Variants in PPM1E observed in about 807,000 individuals in gnomAD.
PPM1E encodes protein phosphatase, Mg2+/Mn2+ dependent 1E.
In PPM1E, 20 loss-of-function variants were observed where a neutral mutation model predicts 65.9. That is an observed-to-expected ratio of 0.30 (90% CI 0.21 to 0.44). PPM1E has a LOEUF of 0.44. Ranked by LOEUF, PPM1E falls within the 20% of genes least tolerant of loss-of-function variation. PPM1E has a pLI of 1.00. For synonymous variants in PPM1E, 352 were observed against 374.9 expected (o/e 0.94, Z 0.70); for missense variants, 713 against 953.1 (o/e 0.75, Z 3.32).
chr17:58,880,607 A>AGTTC (rs1555616611), intron 1 of PPM1E, among the ~76,000 whole-genome samples: 8 of 150,764 alleles, frequency 5.3e-5, no homozygotes, highest in Non-Finnish European at 8.9e-5. Context: ...GTTGTGAAAG[A>AGTTC]GTTTGTTTGT....
chr17:58,828,176 G>A (rs184447619), intron 1 of PPM1E, among the ~76,000 whole-genome samples: 36 of 151,312 alleles, frequency 2.4e-4, no homozygotes, highest in African/African-American at 8.5e-4. Flanking sequence ...CTGAGATCAC[G>A]CCACTGTACT....
At chr17:58,972,037 T>C (rs2030667000) in intron 4 of PPM1E, 95 bp from the exon 5 acceptor site, 1 of 1,202,826 alleles carries the variant, frequency 8.3e-7, no homozygotes, top group African/African-American at 1.5e-5. Context: ...ATAGTATAGC[T>C]CCCAGCTGAA....
At chr17:58,770,008 C>G (rs1157268608) in intron 1 of PPM1E, among the ~76,000 whole-genome samples, 1 of 151,900 alleles carries the variant, frequency 6.6e-6, no homozygotes, top group Admixed American at 6.6e-5. Context: ...GCCTGGGTGA[C>G]AGAGCAAAAC....
At chr17:58,859,235 A>G (rs2050913935) in intron 1 of PPM1E, among the ~76,000 whole-genome samples, 1 of 152,180 alleles carries the variant, frequency 6.6e-6, no homozygotes, top group Non-Finnish European at 1.5e-5. Flanking sequence ...AGAAGGGGTG[A>G]TGATCTGAGG....
At chr17:58,767,658 T>A (rs1395003472) in intron 1 of PPM1E, among the ~76,000 whole-genome samples, 1 of 152,170 alleles carries the variant, frequency 6.6e-6, no homozygotes, top group Non-Finnish European at 1.5e-5. Context: ...TTTATTTATT[T>A]GGAGATGGAG....
intron 1 of PPM1E, among the ~76,000 whole-genome samples, chr17:58,850,316 A>G (rs1259992050): frequency 6.6e-6 from 1 of 152,188 alleles, no homozygotes; most frequent in Non-Finnish European, 1.5e-5. Context: ...TGATCCTGTC[A>G]TTATGATATT....
intron 1 of PPM1E, among the ~76,000 whole-genome samples, chr17:58,846,071 G>A (rs2050768533): frequency 6.6e-6 from 1 of 151,974 alleles, no homozygotes; most frequent in African/African-American, 2.4e-5. Context: ...TTGATACCTG[G>A]GTTGCTTCCA....
intron 1 of PPM1E, among the ~76,000 whole-genome samples, chr17:58,819,626 C>G (rs1269611293): frequency 6.6e-6 from 1 of 151,974 alleles, no homozygotes; most frequent in Non-Finnish European, 1.5e-5. Flanking sequence ...ATAGTGGCTT[C>G]TGCTTCTGGG....
rs181675809 is a variant in PPM1E at position 58,909,127 on chromosome 17, A to C, written c.465-46522A>C. On this transcript the variant is annotated intron_variant, in intron 1 of 6. Coordinates refer to ENST00000308249, the MANE Select transcript of PPM1E (RefSeq NM_014906.5). The stretch of plus-strand genomic sequence containing the variant: ...TGCATCTAAGTTTCTGACCTATATC[A>C]ATTCTTTCTTTCCAAAGAATTTCTT... 1.0e-3 allele frequency among the ~76,000 whole-genome samples: 159 copies of C among 152,040 alleles called. 1 individual carries two copies. The highest frequency in any genetic ancestry group is 3.6e-3 in the African/African-American group (151 of 41,478).
intron 1 of PPM1E, among the ~76,000 whole-genome samples, chr17:58,809,464 T>A (rs1471005878): frequency 6.6e-6 from 1 of 152,114 alleles, no homozygotes; most frequent in Non-Finnish European, 1.5e-5. Flanking sequence ...GCGGCTTAAC[T>A]GCAGCCTTAC....
At position 58,969,565 on chromosome 17, in the gene PPM1E, A is replaced by G. The variant is rs2030464713; in HGVS notation, c.810A>G (p.Ala270=). ...LEDQEEQAYF[A]VFDGHGGVDA... ...ACCAGGAAGAACAAGCTTACTTTGCAGTGTTTGATGGCCATGGGGGAGTAG... is the reference window on the plus strand; with the variant it reads ...ACCAGGAAGAACAAGCTTACTTTGCGGTGTTTGATGGCCATGGGGGAGTAG... Residue 270 remains alanine, a synonymous_variant, in exon 4 of 7, where the codon GCA becomes GCG. Coordinates refer to ENST00000308249, the MANE Select transcript of PPM1E (RefSeq NM_014906.5). 1 of 1,614,018 alleles carries G rather than the reference A, an allele frequency of 6.2e-7. No individual in the cohort carries two copies. The highest frequency in any genetic ancestry group is 8.5e-7 in the Non-Finnish European group (1 of 1,180,018).
At chr17:58,976,564 C>T (rs1353163617) in intron 6 of PPM1E, among the ~76,000 whole-genome samples, 5 of 152,138 alleles carry the variant, frequency 3.3e-5, no homozygotes, top group Admixed American at 3.3e-4. Context: ...CCCATGAGCC[C>T]TTCAGATTTA....
intron 1 of PPM1E, among the ~76,000 whole-genome samples, chr17:58,839,907 G>C (rs1328891751): frequency 6.6e-6 from 1 of 152,242 alleles, no homozygotes; most frequent in Non-Finnish European, 1.5e-5. Context: ...ATAAAGTTTA[G>C]AAGTTTACAA....
intron 1 of PPM1E, among the ~76,000 whole-genome samples, chr17:58,822,981 A>G (rs1291866396): frequency 1.3e-5 from 2 of 152,204 alleles, no homozygotes; most frequent in Non-Finnish European, 2.9e-5. Flanking sequence ...TGTGAAAAAA[A>G]TATGTCAAGA....
At chr17:58,961,820 T>A (rs2143661521) in intron 2 of PPM1E, among the ~76,000 whole-genome samples, 1 of 152,290 alleles carries the variant, frequency 6.6e-6, no homozygotes, top group South Asian at 2.1e-4. Context: ...CTTACTTTTT[T>A]AGAGATGGGG....
rs1390542180 is a variant in PPM1E, at chr17:58,983,312, G to A, written c.*2281G>A. On this transcript the variant is annotated 3_prime_UTR_variant, in exon 7 of 7. Coordinates refer to ENST00000308249, the MANE Select transcript of PPM1E (RefSeq NM_014906.5). ...TGTTCACAACATGCGTATTTATAGAGTAGTTAGGTACCATTTGTAAGGTAA... is the reference window on the plus strand; with the variant it reads ...TGTTCACAACATGCGTATTTATAGAATAGTTAGGTACCATTTGTAAGGTAA... 2 of 165,248 alleles carry A rather than the reference G, an allele frequency of 1.2e-5. No homozygotes were observed. Among genetic ancestry groups the A allele is most frequent in the African/African-American group, 4.8e-5 (2 of 41,770 alleles). The allele number at this position is 165,248 out of a possible 1,614,324, so 10.2% of individuals were successfully genotyped here.
At chr17:58,934,087 CAAAAA>C (rs11316368) in intron 1 of PPM1E, among the ~76,000 whole-genome samples, 2 of 80,138 alleles carry the variant, frequency 2.5e-5, no homozygotes, top group East Asian at 7.5e-4. Context: ...GACTTCGTAT[CAAAAA>C]AAAAAAAAAA....
intron 1 of PPM1E, among the ~76,000 whole-genome samples, chr17:58,809,402 T>C (rs954280054): frequency 4.0e-5 from 6 of 151,556 alleles, no homozygotes; most frequent in South Asian, 2.1e-4. Flanking sequence ...TTAACAAAAT[T>C]TTTTTTTTGA....
At chr17:58,948,662 CAT>C (rs1304648535) in intron 1 of PPM1E, among the ~76,000 whole-genome samples, 3 of 152,232 alleles carry the variant, frequency 2.0e-5, no homozygotes, top group African/African-American at 7.2e-5. Flanking sequence ...ACTGCAGAGA[CAT>C]ATTATATACT....
Sources: allele counts gnomAD v4.1 joint callset (sites outside exome capture counted in the v4.1 genomes callset), GRCh38; gene constraint gnomAD v4.1.1; transcripts MANE v1.5; gene names NCBI Gene and HGNC (gene_info 2026-07-23, HGNC 2026-07-21).